Variants in FRMD3 observed in about 807,000 individuals in gnomAD.
FRMD3 encodes the protein FERM domain-containing protein 3.
FRMD3 carries 33 observed loss-of-function variants against 70.2 expected under a neutral mutation model. The ratio of observed to expected loss-of-function variants is 0.47; its 90% CI spans 0.36 to 0.63. FRMD3 has a LOEUF of 0.63. Ranked by LOEUF, FRMD3 falls within the 20% of genes least tolerant of loss-of-function variation. FRMD3 has a pLI of 0.00. For synonymous variants in FRMD3, 279 were observed against 255.9 expected (o/e 1.09, Z -0.86); for missense variants, 632 against 711.4 (o/e 0.89, Z 1.27).
chr9:83,272,656 A>G lies in FRMD3; in HGVS notation c.1195+17947T>C, dbSNP rs1457361912. On this transcript the variant is annotated intron_variant, in intron 13 of 13. Coordinates refer to ENST00000304195, the MANE Select transcript of FRMD3 (RefSeq NM_174938.6). ...GCCCGGCTGCCCAGTCTGGTAAGTG[A>G]GGAGCGCCTCTGCCCGGCTGCCCAG... Among the ~76,000 whole-genome samples, 7 of 134,148 alleles carry G rather than the reference A, an allele frequency of 5.2e-5. No homozygotes were observed. In the Admixed American group the frequency reaches 5.2e-4, roughly 10 times the overall value. 88.0% of individuals were successfully genotyped at this position (134,148 alleles called of 152,430 possible).
chr9:83,541,100 TAAGGCA>T (rs1312138670), upstream of FRMD3, among the ~76,000 whole-genome samples: 1 of 152,340 alleles, frequency 6.6e-6, no homozygotes, highest in East Asian at 1.9e-4. Context: ...GGAACTCACT[TAAGGCA>T]GTTACCTTGG....
At chr9:83,535,788 T>C (rs924150584) in intron 1 of FRMD3, among the ~76,000 whole-genome samples, 38 of 152,292 alleles carry the variant, frequency 2.5e-4, no homozygotes, top group African/African-American at 8.9e-4. Flanking sequence ...GACAGGCAGA[T>C]GTGGGCTATG....
intron 3 of FRMD3, among the ~76,000 whole-genome samples, chr9:83,354,894 A>G (rs1824286312): frequency 6.6e-6 from 1 of 152,208 alleles, no homozygotes; most frequent in African/African-American, 2.4e-5. Context: ...TTGAAAAAAA[A>G]TAAAACACTC....
At chr9:83,540,263 CA>C (rs1237635581), upstream of FRMD3, among the ~76,000 whole-genome samples, 4 of 152,192 alleles carry the variant, frequency 2.6e-5, no homozygotes, top group Non-Finnish European at 5.9e-5. Context: ...ACCAGCCAAA[CA>C]GTCCATGCTT....
At chr9:83,369,056 T>C (rs1185543176) in intron 3 of FRMD3, among the ~76,000 whole-genome samples, 3 of 151,960 alleles carry the variant, frequency 2.0e-5, no homozygotes, top group African/African-American at 4.8e-5. Context: ...GGTTTCACCA[T>C]GTTGGCCAGG....
intron 2 of FRMD3, among the ~76,000 whole-genome samples, chr9:83,385,222 CCTT>C (rs1825478480): frequency 6.6e-6 from 1 of 152,066 alleles, no homozygotes; most frequent in South Asian, 2.1e-4. Context: ...CCAAGTACTA[CCTT>C]CTTCTAGAAT....
At chr9:83,444,083 C>A (rs947102405) in intron 1 of FRMD3, among the ~76,000 whole-genome samples, 1 of 152,242 alleles carries the variant, frequency 6.6e-6, no homozygotes, top group Admixed American at 6.5e-5. Context: ...ATCTACTTCA[C>A]ACTTAGTGCT....
At position 83,245,030 on chromosome 9, in the gene FRMD3, T is replaced by C. The variant is rs1832023932; in HGVS notation, c.*2888A>G. On this transcript the variant is annotated 3_prime_UTR_variant, in exon 14 of 14. Transcript: ENST00000304195. ...ACAAATGTACACTCAGTGGCATTTA[T>C]GGAAAATTTAACCCTTTCAGGCTGT... 2.0e-6 allele frequency: 2 copies of C among 985,224 alleles called. No homozygotes were observed. The highest frequency in any genetic ancestry group is 1.7e-5 in the African/African-American group (1 of 57,246). The allele number at this position is 985,224 out of a possible 1,614,324, so 61.0% of individuals were successfully genotyped here.
chr9:83,582,545 A>G, the FRMD3 span, among the ~76,000 whole-genome samples: 2 of 152,348 alleles, frequency 1.3e-5, no homozygotes, highest in African/African-American at 4.8e-5. Context: ...ATAATTTCAA[A>G]TCACCAACTT....
chr9:83,495,582 T>C (rs1828926568), intron 1 of FRMD3, among the ~76,000 whole-genome samples: 1 of 152,176 alleles, frequency 6.6e-6, no homozygotes, highest in South Asian at 2.1e-4. Context: ...TTAACAAAAA[T>C]GTCAACAGTG....
At chr9:83,416,649 C>G (rs17086243) in intron 1 of FRMD3, among the ~76,000 whole-genome samples, 5,723 of 152,206 alleles carry the variant, frequency 0.038, 189 homozygotes, top group East Asian at 0.14. Context: ...GACCACCTGG[C>G]CTTAAGTCTG....
intron 1 of FRMD3, among the ~76,000 whole-genome samples, chr9:83,500,505 C>CACAA (rs1829042707): frequency 9.1e-6 from 1 of 109,486 alleles, no homozygotes; most frequent in Non-Finnish European, 2.0e-5. Context: ...TATGCGCGCA[C>CACAA]ACACACACAC....
chr9:83,511,297 G>A (rs1182231831), intron 1 of FRMD3, among the ~76,000 whole-genome samples: 1 of 152,158 alleles, frequency 6.6e-6, no homozygotes, highest in African/African-American at 2.4e-5. Context: ...GATTTCCCCA[G>A]TAGCATAACA....
chr9:83,309,183 G>T (rs545670959), intron 10 of FRMD3, among the ~76,000 whole-genome samples: 4 of 151,918 alleles, frequency 2.6e-5, no homozygotes, highest in Admixed American at 2.0e-4. Flanking sequence ...CTCAAGGTCT[G>T]CTTTGTGGGG....
chr9:83,364,951 G>A (rs939096970), intron 3 of FRMD3, among the ~76,000 whole-genome samples: 1 of 152,146 alleles, frequency 6.6e-6, no homozygotes, highest in African/African-American at 2.4e-5. Flanking sequence ...ATGGATTGGC[G>A]TGGGGAATGG....
At chr9:83,453,170 C>T (rs1827718359) in intron 1 of FRMD3, among the ~76,000 whole-genome samples, 1 of 152,042 alleles carries the variant, frequency 6.6e-6, no homozygotes, top group African/African-American at 2.4e-5. Flanking sequence ...ATTTTATTAC[C>T]TTAAATCTCA....
intron 1 of FRMD3, among the ~76,000 whole-genome samples, chr9:83,415,439 ATTCT>A (rs1826404442): frequency 7.0e-6 from 1 of 143,624 alleles, no homozygotes; most frequent in Non-Finnish European, 1.5e-5. Flanking sequence ...GAGAAAGGAA[ATTCT>A]TTTTTTTTTT....
At chr9:83,314,210 TC>T (rs1476634118) in intron 6 of FRMD3, among the ~76,000 whole-genome samples, 2 of 152,066 alleles carry the variant, frequency 1.3e-5, no homozygotes, top group Non-Finnish European at 2.9e-5. Flanking sequence ...TTGTCAACCA[TC>T]CCACAGAGAG....
At chr9:83,363,689 G>A (rs924938974) in intron 3 of FRMD3, among the ~76,000 whole-genome samples, 3 of 151,704 alleles carry the variant, frequency 2.0e-5, no homozygotes, top group Non-Finnish European at 2.9e-5. Context: ...TGAGTAGCTG[G>A]GACTACAGGC....
Sources: allele counts gnomAD v4.1 joint callset (sites outside exome capture counted in the v4.1 genomes callset), GRCh38; gene constraint gnomAD v4.1.1; transcripts MANE v1.5; gene names NCBI Gene and HGNC (gene_info 2026-07-23, HGNC 2026-07-21).